INPP5A: variants seen among roughly 807,000 people sequenced by gnomAD.
The protein encoded by INPP5A is 43 kDa inositol polyphosphate 5-phophatase.
A neutral mutation model predicts 65.2 loss-of-function variants in INPP5A; 14 were observed. The ratio of observed to expected loss-of-function variants is 0.21; its 90% CI spans 0.14 to 0.34. The LOEUF (loss-of-function observed/expected upper bound fraction) is 0.34, where lower values mean the gene tolerates loss of function less well. Ranked by LOEUF, INPP5A falls within the 10% of genes least tolerant of loss-of-function variation. INPP5A has a pLI of 1.00. For missense variants in INPP5A, 431 were observed against 545.6 expected, an observed-to-expected ratio of 0.79 and a Z score of 2.09; for synonymous variants, 207 against 208.3, an observed-to-expected ratio of 0.99 and a Z score of 0.05.
At chr10:132,611,122 G>C (rs2071940994) in intron 2 of INPP5A, among the ~76,000 whole-genome samples, 1 of 149,976 alleles carries the variant, frequency 6.7e-6, no homozygotes, top group African/African-American at 2.5e-5. Flanking sequence ...GTGGGCAGGG[G>C]AGAGGCCCTG....
At chr10:132,567,401 C>T (rs1179098518) in intron 1 of INPP5A, among the ~76,000 whole-genome samples, 1 of 152,250 alleles carries the variant, frequency 6.6e-6, no homozygotes, top group Non-Finnish European at 1.5e-5. Context: ...CCTTCTCGGC[C>T]TCCCAGAATG....
chr10:132,645,653 T>C (rs1258038114), intron 2 of INPP5A, among the ~76,000 whole-genome samples: 1 of 152,092 alleles, frequency 6.6e-6, no homozygotes, highest in African/African-American at 2.4e-5. Context: ...TTTACAGTAA[T>C]GGGAAAATGA....
intron 6 of INPP5A, among the ~76,000 whole-genome samples, chr10:132,700,397 G>A (rs921899354): frequency 3.3e-5 from 5 of 152,246 alleles, no homozygotes; most frequent in South Asian, 2.1e-4. Context: ...CCACGTCATC[G>A]TCTTAGAAAT....
At chr10:132,708,849 C>T (rs957489662) in intron 7 of INPP5A, among the ~76,000 whole-genome samples, 3 of 152,222 alleles carry the variant, frequency 2.0e-5, no homozygotes, top group African/African-American at 7.2e-5. Context: ...GCCGCCCCAC[C>T]TTTTCTGCAT....
intron 2 of INPP5A, among the ~76,000 whole-genome samples, chr10:132,630,615 A>G (rs12774653): frequency 0.13 from 1,113 of 8,556 alleles, 1 homozygote; most frequent in African/African-American, 0.19. Context: ...AGGGGAAGAC[A>G]TCCATGAGGG....
chr10:132,562,131 A>G (rs2071213972), intron 1 of INPP5A, among the ~76,000 whole-genome samples: 1 of 152,268 alleles, frequency 6.6e-6, no homozygotes, highest in African/African-American at 2.4e-5. Context: ...ATTCACCTGC[A>G]CTGTGCACCG....
In INPP5A at chr10:132,637,245, C is replaced by G. The variant is rs2072366557; in HGVS notation, c.118-8623C>G. 6.6e-6 allele frequency among the ~76,000 whole-genome samples: 1 copy of G among 152,144 alleles called. No homozygotes were observed. Among genetic ancestry groups the G allele is most frequent in the Admixed American group, 6.5e-5 (1 of 15,268 alleles). ...TAATTGATCTTTTTTACCTGGAGGC[C>G]ATGAGGATCTTATCTTTATCTTTGA... On this transcript the variant is annotated intron_variant, in intron 2 of 15. Coordinates refer to ENST00000368594, the MANE Select transcript of INPP5A (RefSeq NM_005539.5). The surrounding 1 kb of genome is among the most constrained non-coding windows in gnomAD (Gnocchi z 4.1).
chr10:132,583,875 A>G (rs1564924311), intron 1 of INPP5A, among the ~76,000 whole-genome samples: 1 of 152,158 alleles, frequency 6.6e-6, no homozygotes, highest in Non-Finnish European at 1.5e-5. Flanking sequence ...TGAGCCCAGG[A>G]GTTCAAGACT....
At chr10:132,583,273 C>T (rs571735099) in intron 1 of INPP5A, among the ~76,000 whole-genome samples, 2 of 152,314 alleles carry the variant, frequency 1.3e-5, no homozygotes, top group South Asian at 2.1e-4. Flanking sequence ...GTACTAATCT[C>T]GTGTCCTATG....
chr10:132,626,985 G>C (rs750594015), intron 2 of INPP5A, among the ~76,000 whole-genome samples: 14 of 152,340 alleles, frequency 9.2e-5, no homozygotes, highest in South Asian at 2.1e-4. Context: ...TCTGACCCCA[G>C]TGTAATGGTA....
At chr10:132,669,413 C>G (rs1257799240) in intron 4 of INPP5A, among the ~76,000 whole-genome samples, 1 of 152,158 alleles carries the variant, frequency 6.6e-6, no homozygotes, top group East Asian at 1.9e-4. Context: ...GGCTCCTATT[C>G]TTAACCTCAA....
rs966927613 is a variant in INPP5A, at chr10:132,780,850, C to T, written c.1091C>T (p.Ser364Leu). ...SPSAKELVLR[S>L]ESEEKVVTYD... ...CACCTGTCTGTTTCCCCTTTCCAGT[C>T]GGAGAGCGAGGAGAAGGTTGTCACC... Residue 364 changes from serine (S) to leucine (L), a missense_variant and splice_region_variant, in exon 14 of 16, where the codon TCG becomes TTG. Coordinates refer to ENST00000368594, the MANE Select transcript of INPP5A (RefSeq NM_005539.5). 12 of 1,612,748 alleles carry T rather than the reference C, an allele frequency of 7.4e-6. No homozygotes were observed. Among genetic ancestry groups the T allele is most frequent in the African/African-American group, 5.3e-5 (4 of 74,918 alleles).
chr10:132,722,106 GT>G (rs1227456906), intron 8 of INPP5A, among the ~76,000 whole-genome samples: 1 of 152,138 alleles, frequency 6.6e-6, no homozygotes, highest in Non-Finnish European at 1.5e-5. Flanking sequence ...ATTCTCAGTA[GT>G]TTTAGTAATT....
At chr10:132,677,565 C>T (rs2072983427) in intron 4 of INPP5A, among the ~76,000 whole-genome samples, 1 of 152,244 alleles carries the variant, frequency 6.6e-6, no homozygotes, top group South Asian at 2.1e-4. Flanking sequence ...ACCTTGCCGC[C>T]CTCAGATGTA....
At chr10:132,775,369 A>C (rs966611054) in intron 12 of INPP5A, among the ~76,000 whole-genome samples, 4 of 151,880 alleles carry the variant, frequency 2.6e-5, no homozygotes, top group Non-Finnish European at 4.4e-5. Context: ...AGATAAGCCC[A>C]CATGCCTGGC....
At position 132,616,594 on chromosome 10, in the gene INPP5A, T is replaced by G. The variant is rs923383389; in HGVS notation, c.117+8638T>G. 6.6e-6 allele frequency among the ~76,000 whole-genome samples: 1 copy of G among 151,172 alleles called. No homozygotes were observed. Among genetic ancestry groups the G allele is most frequent in the African/African-American group, 2.4e-5 (1 of 41,040 alleles). Reference sequence around the variant, plus strand: ...GGTGATAGGGGATGGGGTGGTGACATGGGATGTGGTTTTGGGGTTGCAGTG... The same window carrying G: ...GGTGATAGGGGATGGGGTGGTGACAGGGGATGTGGTTTTGGGGTTGCAGTG... On this transcript the variant is annotated intron_variant, in intron 2 of 15. Coordinates refer to ENST00000368594, the MANE Select transcript of INPP5A (RefSeq NM_005539.5). The surrounding 1 kb of genome is among the most constrained non-coding windows in gnomAD (Gnocchi z 4.9).
chr10:132,750,151 G>A (rs1846449088), intron 11 of INPP5A, among the ~76,000 whole-genome samples: 1 of 152,224 alleles, frequency 6.6e-6, no homozygotes, highest in Admixed American at 6.5e-5. Flanking sequence ...GGGGAGGAAA[G>A]CCCCTTGTCT....
At chr10:132,771,592 T>A (rs1284287531) in intron 12 of INPP5A, among the ~76,000 whole-genome samples, 1 of 151,046 alleles carries the variant, frequency 6.6e-6, no homozygotes, top group Non-Finnish European at 1.5e-5. Flanking sequence ...CTTGGAAGTA[T>A]CCCCAGTGCC....
intron 8 of INPP5A, among the ~76,000 whole-genome samples, chr10:132,718,920 C>A (rs1220331696): frequency 2.2e-5 from 3 of 135,584 alleles, no homozygotes; most frequent in Non-Finnish European, 3.2e-5. Flanking sequence ...GGCTGTCTTG[C>A]GGGTTCTGTG....
Sources: gnomAD v4.1 joint callset for allele counts (sites outside exome capture counted in the v4.1 genomes callset) on GRCh38, gnomAD v4.1.1 for gene constraint, Gnocchi (gnomAD v3.1) non-coding constraint, MANE v1.5 for transcripts, NCBI Gene and HGNC (gene_info 2026-07-23, HGNC 2026-07-21) for gene names.